BMPR1A: variants seen among roughly 807,000 people sequenced by gnomAD.
The protein encoded by BMPR1A is bone morphogenetic protein receptor type-1A.
Under a neutral mutation model 66.0 loss-of-function variants are expected in BMPR1A, and 7 were observed. The observed-to-expected ratio is 0.11, with a 90% CI of 0.06 to 0.20. The LOEUF (loss-of-function observed/expected upper bound fraction) is 0.20, where lower values mean the gene tolerates loss of function less well. BMPR1A is among the 10% of genes least tolerant of loss of function. The probability of loss-of-function intolerance (pLI) is 1.00; values close to 1 mark genes in which losing one functional copy is unlikely to be tolerated. For missense variants in BMPR1A, 408 were observed against 669.1 expected, an observed-to-expected ratio of 0.61 and a Z score of 4.31; for synonymous variants, 200 against 229.7, an observed-to-expected ratio of 0.87 and a Z score of 1.17.
chr10:86,804,264 A>G (rs898313982), intron 1 of BMPR1A, among the ~76,000 whole-genome samples: 4 of 152,188 alleles, frequency 2.6e-5, no homozygotes, highest in African/African-American at 9.6e-5. Flanking sequence ...ATTTTGAGAC[A>G]GAGTCTTGTT....
At chr10:86,931,278 T>TGCGCACAC (rs1358738995), downstream of BMPR1A, 3 of 104,776 alleles carry the variant, frequency 2.9e-5, no homozygotes, top group Non-Finnish European at 5.0e-5. Context: ...TATATATATA[T>TGCGCACAC]ATACACACAC....
chr10:86,869,635 T>G (rs1255194661), intron 2 of BMPR1A, among the ~76,000 whole-genome samples: 1 of 151,976 alleles, frequency 6.6e-6, no homozygotes, highest in Non-Finnish European at 1.5e-5. Flanking sequence ...CGCATGCCTG[T>G]AATCTCAGCT....
intron 1 of BMPR1A, among the ~76,000 whole-genome samples, chr10:86,765,215 C>T (rs1320306101): frequency 6.6e-6 from 1 of 151,438 alleles, no homozygotes; most frequent in Non-Finnish European, 1.5e-5. Context: ...TGGCCAGGTG[C>T]TGTGGCTCAC....
intron 2 of BMPR1A, among the ~76,000 whole-genome samples, chr10:86,842,832 A>G (rs12262712): frequency 0.067 from 10,129 of 152,204 alleles, 785 homozygotes; most frequent in African/African-American, 0.19. Context: ...GAAACCTCTT[A>G]CAAAATCATC....
chr10:86,773,436 T>C (rs1841296509), intron 1 of BMPR1A, among the ~76,000 whole-genome samples: 1 of 151,258 alleles, frequency 6.6e-6, no homozygotes, highest in Non-Finnish European at 1.5e-5. Flanking sequence ...ACTAAAAAAG[T>C]ACAAAAATTA....
At chr10:86,870,713 G>A (rs193195709) in intron 2 of BMPR1A, among the ~76,000 whole-genome samples, 49 of 151,738 alleles carry the variant, frequency 3.2e-4, no homozygotes, top group African/African-American at 9.9e-4. Flanking sequence ...TGTGAGCCAC[G>A]TACCCAGCCA....
At chr10:86,884,531 A>G (rs1252178788) in intron 3 of BMPR1A, among the ~76,000 whole-genome samples, 2 of 144,362 alleles carry the variant, frequency 1.4e-5, no homozygotes, top group Non-Finnish European at 3.0e-5. Flanking sequence ...CCTTTGTCTC[A>G]GCCTCCTGAG....
At chr10:86,804,302 G>A (rs1484743740) in intron 1 of BMPR1A, among the ~76,000 whole-genome samples, 2 of 152,078 alleles carry the variant, frequency 1.3e-5, no homozygotes, top group African/African-American at 4.8e-5. Flanking sequence ...GTGCAGTGGC[G>A]CGATCCTGGC....
intron 1 of BMPR1A, among the ~76,000 whole-genome samples, chr10:86,828,100 C>T (rs566278827): frequency 5.9e-5 from 9 of 152,240 alleles, no homozygotes; most frequent in Non-Finnish European, 1.2e-4. Context: ...TGCAGTGAGC[C>T]GAAATCGTGC....
At chr10:86,826,041 A>C (rs1049944477) in intron 1 of BMPR1A, among the ~76,000 whole-genome samples, 8 of 152,192 alleles carry the variant, frequency 5.3e-5, no homozygotes, top group Admixed American at 3.3e-4. Context: ...TCACTAACTC[A>C]GTGGCTCACT....
At position 86,927,793 on chromosome 10, in the gene BMPR1A, C is replaced by G. The variant is rs1022886044; in HGVS notation, c.*4074C>G. On this transcript the variant is annotated 3_prime_UTR_variant, in exon 13 of 13. Coordinates refer to ENST00000372037, the MANE Select transcript of BMPR1A (RefSeq NM_004329.3). ...GAAGGGTAAAAGCAAGCAGTTTTATCAGGCAGTTGTAAAACACCAAAAATA... is the reference window on the plus strand; with the variant it reads ...GAAGGGTAAAAGCAAGCAGTTTTATGAGGCAGTTGTAAAACACCAAAAATA... 16 of 200,388 alleles carry G rather than the reference C, an allele frequency of 8.0e-5. No individual in the cohort carries two copies. The East Asian group carries it at 1.2e-3, about 15-fold the overall frequency. 12.4% of individuals were successfully genotyped at this position (200,388 alleles called of 1,614,324 possible).
At chr10:86,905,951 C>T (rs1288607190) in intron 7 of BMPR1A, among the ~76,000 whole-genome samples, 2 of 152,092 alleles carry the variant, frequency 1.3e-5, no homozygotes, top group African/African-American at 4.8e-5. Context: ...ATATTTTTAT[C>T]ACTTTCAGCA....
chr10:86,784,112 T>G (rs1311810736), intron 1 of BMPR1A, among the ~76,000 whole-genome samples: 1 of 152,206 alleles, frequency 6.6e-6, no homozygotes, highest in African/African-American at 2.4e-5. Flanking sequence ...CTTTTTTTCT[T>G]GCCTCCTTTT....
At chr10:86,765,989 C>CTTTTTTTTTTTTTTTTTTTT (rs67035271) in intron 1 of BMPR1A, among the ~76,000 whole-genome samples, 1 of 131,796 alleles carries the variant, frequency 7.6e-6, no homozygotes, top group Non-Finnish European at 1.6e-5. Context: ...TTTCCTCATT[C>CTTTTTTTTTTTTTTTTTTTT]TTTTTTTTTT....
At chr10:86,880,251 G>A (rs1159853050) in intron 3 of BMPR1A, among the ~76,000 whole-genome samples, 2 of 152,150 alleles carry the variant, frequency 1.3e-5, no homozygotes, top group Non-Finnish European at 2.9e-5. Context: ...TTGTCTTGAT[G>A]TGTGTTCTGA....
chr10:86,813,639 G>A (rs990753193), intron 1 of BMPR1A, among the ~76,000 whole-genome samples: 14 of 151,992 alleles, frequency 9.2e-5, no homozygotes, highest in Non-Finnish European at 1.8e-4. Context: ...CTTTGCATGC[G>A]CTCTCCATTT....
At chr10:86,782,440 G>T (rs559627350) in intron 1 of BMPR1A, among the ~76,000 whole-genome samples, 1 of 152,084 alleles carries the variant, frequency 6.6e-6, no homozygotes, top group East Asian at 1.9e-4. Context: ...CTGTTTTATA[G>T]TCCCACCAAC....
At position 86,923,776 on chromosome 10, in the gene BMPR1A, A is replaced by G. The variant is rs1282064916; in HGVS notation, c.*57A>G. On this transcript the variant is annotated 3_prime_UTR_variant, in exon 13 of 13. Transcript: ENST00000372037. The stretch of plus-strand genomic sequence containing the variant: ...TGCAAGAACTGTTTTTACCCATGGC[A>G]TGGGTGGAATTAGAGTGGAATAAGG... 6.9e-6 allele frequency: 11 copies of G among 1,598,208 alleles called. No individual in the cohort carries two copies. In the African/African-American group the frequency reaches 8.0e-5, roughly 12 times the overall value.
At chr10:86,796,209 G>A (rs961078170) in intron 1 of BMPR1A, among the ~76,000 whole-genome samples, 11 of 151,208 alleles carry the variant, frequency 7.3e-5, no homozygotes, top group Non-Finnish European at 1.5e-4. Flanking sequence ...AAGCCTTTAA[G>A]GAATTAAACA....
Sources: gnomAD v4.1 joint callset for allele counts (sites outside exome capture counted in the v4.1 genomes callset) on GRCh38, gnomAD v4.1.1 for gene constraint, MANE v1.5 for transcripts, NCBI Gene and HGNC (gene_info 2026-07-23, HGNC 2026-07-21) for gene names.